TNR: variants seen among roughly 807,000 people sequenced by gnomAD.
TNR encodes tenascin R.
Under a neutral mutation model 150.4 loss-of-function variants are expected in TNR, and 45 were observed. The observed-to-expected ratio is 0.30, with a 90% CI of 0.24 to 0.38. The LOEUF (loss-of-function observed/expected upper bound fraction) is 0.38, where lower values mean the gene tolerates loss of function less well. Ranked by LOEUF, TNR falls within the 10% of genes least tolerant of loss-of-function variation. The pLI, the probability that TNR is intolerant of heterozygous loss-of-function variation, is 1.00. For synonymous variants in TNR, 687 were observed against 678.4 expected, an observed-to-expected ratio of 1.01 and a Z score of -0.20; for missense variants, 1,544 against 1,759.1, an observed-to-expected ratio of 0.88 and a Z score of 2.19.
intron 1 of TNR, among the ~76,000 whole-genome samples, chr1:175,711,482 A>T (rs1027492848): frequency 6.6e-6 from 1 of 152,184 alleles, no homozygotes; most frequent in African/African-American, 2.4e-5. Flanking sequence ...AAGGAGTCAG[A>T]TGGAGCAGCA....
intron 2 of TNR, among the ~76,000 whole-genome samples, chr1:175,513,501 G>A (rs1659278760): frequency 1.3e-5 from 2 of 152,194 alleles, no homozygotes; most frequent in African/African-American, 4.8e-5. Flanking sequence ...GCCTGCAGGG[G>A]GCTGCAGGGG....
At chr1:175,491,623 C>G (rs374041260) in intron 2 of TNR, among the ~76,000 whole-genome samples, 56 of 139,610 alleles carry the variant, frequency 4.0e-4, no homozygotes, top group Middle Eastern at 3.8e-3. Context: ...GTAATTATGT[C>G]TAAATTTCCA....
intron 1 of TNR, among the ~76,000 whole-genome samples, chr1:175,605,030 G>A (rs758919654): frequency 4.1e-4 from 63 of 152,088 alleles, no homozygotes; most frequent in Non-Finnish European, 8.4e-4. Flanking sequence ...CTCTCTCCAG[G>A]GTACCAAAGG....
At chr1:175,577,411 C>T (rs796479748) in intron 1 of TNR, among the ~76,000 whole-genome samples, 13 of 152,296 alleles carry the variant, frequency 8.5e-5, no homozygotes, top group African/African-American at 2.6e-4. Flanking sequence ...TGGGCCATGA[C>T]GGTTCCATTT....
At chr1:175,574,662 C>T (rs1571626225) in intron 1 of TNR, among the ~76,000 whole-genome samples, 1 of 152,300 alleles carries the variant, frequency 6.6e-6, no homozygotes. Flanking sequence ...AAAGATCAGC[C>T]TCAACAGATA....
intron 8 of TNR, among the ~76,000 whole-genome samples, chr1:175,384,620 A>T (rs939956206): frequency 1.3e-5 from 2 of 152,132 alleles, no homozygotes; most frequent in Non-Finnish European, 2.9e-5. Context: ...GGAGAAAATG[A>T]GCTTACCTAA....
At chr1:175,655,978 AG>A (rs1017419874) in intron 1 of TNR, among the ~76,000 whole-genome samples, 2 of 151,970 alleles carry the variant, frequency 1.3e-5, no homozygotes, top group African/African-American at 4.8e-5. Flanking sequence ...GTGTAGGGAT[AG>A]GGGGTGCTGG....
chr1:175,696,263 A>T (rs1666522064), intron 1 of TNR, among the ~76,000 whole-genome samples: 1 of 142,812 alleles, frequency 7.0e-6, no homozygotes. Context: ...TAAGGGACCA[A>T]TCTAGAACAG....
intron 1 of TNR, among the ~76,000 whole-genome samples, chr1:175,738,743 G>A (rs980949465): frequency 2.0e-5 from 3 of 152,190 alleles, no homozygotes; most frequent in Non-Finnish European, 2.9e-5. Context: ...CAATACAGTC[G>A]TAATTCAAAG....
intron 2 of TNR, among the ~76,000 whole-genome samples, chr1:175,521,557 T>A (rs140272701): frequency 1.3e-5 from 2 of 152,364 alleles, no homozygotes; most frequent in East Asian, 3.9e-4. Flanking sequence ...TTGGCACAGG[T>A]GCCCAGGGAG....
At chr1:175,446,451 A>C (rs1656048541) in intron 2 of TNR, among the ~76,000 whole-genome samples, 1 of 152,198 alleles carries the variant, frequency 6.6e-6, no homozygotes, top group Non-Finnish European at 1.5e-5. Context: ...CCTTGTAGTT[A>C]TGGGTGACAT....
At chr1:175,575,692 T>C (rs922176760) in intron 1 of TNR, among the ~76,000 whole-genome samples, 4 of 152,152 alleles carry the variant, frequency 2.6e-5, no homozygotes, top group Non-Finnish European at 5.9e-5. Context: ...CTAGATTGAA[T>C]GTAACCAGGT....
intron 8 of TNR, among the ~76,000 whole-genome samples, chr1:175,385,170 C>T (rs935770120): frequency 2.6e-5 from 4 of 152,198 alleles, no homozygotes; most frequent in African/African-American, 4.8e-5. Flanking sequence ...GAGGATGAGA[C>T]TGAGAATCCA....
chr1:175,405,634 T>A (rs910967899), intron 3 of TNR, among the ~76,000 whole-genome samples: 12 of 151,670 alleles, frequency 7.9e-5, no homozygotes, highest in African/African-American at 2.9e-4. Context: ...TGTGTGTGTG[T>A]GTGTGTGTGT....
At chr1:175,665,778 G>A (rs1665516972) in intron 1 of TNR, among the ~76,000 whole-genome samples, 1 of 152,214 alleles carries the variant, frequency 6.6e-6, no homozygotes, top group Non-Finnish European at 1.5e-5. Flanking sequence ...AGTCCTAAGT[G>A]TTTTATAGTT....
At chr1:175,365,746 T>G in intron 11 of TNR, 129 bp downstream of exon 11, 1 of 1,378,740 alleles carries the variant, frequency 7.3e-7, no homozygotes, top group Non-Finnish European at 9.8e-7. Context: ...TTTTACTCTA[T>G]CCTTTTCTAC....
In TNR at chr1:175,528,280, G is replaced by T. The variant is rs1659927545; in HGVS notation, c.-75C>A. ...TTCACAGGAAATACCTTTTGTGATGGTGTCTTCGATGCTTTCTCTTTACTG... is the reference window on the plus strand; with the variant it reads ...TTCACAGGAAATACCTTTTGTGATGTTGTCTTCGATGCTTTCTCTTTACTG... On this transcript the variant is annotated 5_prime_UTR_variant, in exon 2 of 23. Coordinates refer to ENST00000367674, the MANE Select transcript of TNR (RefSeq NM_003285.3). 6.6e-6 allele frequency: 1 copy of T among 152,210 alleles called. No individual in the cohort carries two copies. Among genetic ancestry groups the T allele is most frequent in the South Asian group, 2.1e-4 (1 of 4,834 alleles). The allele number at this position is 152,210 out of a possible 1,614,324, so 9.4% of individuals were successfully genotyped here.
chr1:175,601,033 T>C (rs1005148294), intron 1 of TNR, among the ~76,000 whole-genome samples: 1 of 152,262 alleles, frequency 6.6e-6, no homozygotes, highest in African/African-American at 2.4e-5. Context: ...ACTTTGCTTA[T>C]AACAGAAATG....
chr1:175,566,327 G>A lies in TNR; in HGVS notation c.-164-37958C>T, dbSNP rs1661642297. ...AATAAAAAGGAGATGAAATCCAAATGAATCCATTTGCTACATGTTAAGTAT... is the reference window on the plus strand; with the variant it reads ...AATAAAAAGGAGATGAAATCCAAATAAATCCATTTGCTACATGTTAAGTAT... On this transcript the variant is annotated intron_variant, in intron 1 of 22. Transcript: ENST00000367674. 2.0e-5 allele frequency among the ~76,000 whole-genome samples: 3 copies of A among 152,332 alleles called. No individual in the cohort carries two copies. The South Asian group carries it at 6.2e-4, about 32-fold the overall frequency.
Sources: allele counts gnomAD v4.1 joint callset (sites outside exome capture counted in the v4.1 genomes callset), GRCh38; gene constraint gnomAD v4.1.1; transcripts MANE v1.5; gene names NCBI Gene and HGNC (gene_info 2026-07-23, HGNC 2026-07-21).